PCMTD1: variants seen among roughly 807,000 people sequenced by gnomAD.
The protein encoded by PCMTD1 is protein-L-isoaspartate O-methyltransferase domain-containing protein 1.
PCMTD1 carries 12 observed loss-of-function variants against 37.6 expected under a neutral mutation model. The observed-to-expected ratio is 0.32, with a 90% CI of 0.20 to 0.52. The LOEUF (loss-of-function observed/expected upper bound fraction) is 0.52, where lower values mean the gene tolerates loss of function less well. Among genes scored for constraint, PCMTD1 ranks in the 20% least tolerant of loss-of-function variants. PCMTD1 has a pLI of 0.97. For missense variants in PCMTD1, 235 were observed against 421.3 expected (o/e 0.56, Z 3.87); for synonymous variants, 117 against 135.8 (o/e 0.86, Z 0.96).
At chr8:51,899,186 TG>T, upstream of PCMTD1, 1 of 1,259,804 alleles carries the variant, frequency 7.9e-7, no homozygotes, top group Non-Finnish European at 1.0e-6. Context: ...CGCCCCCATC[TG>T]GCCCCGCCCC....
chr8:51,892,433 A>C (rs2038949284), intron 1 of PCMTD1, among the ~76,000 whole-genome samples: 1 of 152,212 alleles, frequency 6.6e-6, no homozygotes, highest in African/African-American at 2.4e-5. Flanking sequence ...CTTCTAGCAA[A>C]TGTCTTCACA....
chr8:51,829,983 C>T (rs2037976913), intron 5 of PCMTD1, among the ~76,000 whole-genome samples: 1 of 152,116 alleles, frequency 6.6e-6, no homozygotes, highest in South Asian at 2.1e-4. Flanking sequence ...GTTAAAAAAA[C>T]TATGATCTAA....
At chr8:51,833,432 T>C in intron 4 of PCMTD1, 86 bp downstream of exon 4, 1 of 1,096,898 alleles carries the variant, frequency 9.1e-7, no homozygotes, top group Non-Finnish European at 1.3e-6. Flanking sequence ...AAAGTTACAA[T>C]ATACCTTTCA....
At chr8:51,841,191 T>C (rs189871401) in intron 3 of PCMTD1, among the ~76,000 whole-genome samples, 22 of 152,292 alleles carry the variant, frequency 1.4e-4, no homozygotes, top group African/African-American at 4.8e-4. Flanking sequence ...CCAATTAATA[T>C]TGTCTCTAGA....
At chr8:51,850,015 C>A in intron 2 of PCMTD1, 2 of 699,790 alleles carry the variant, frequency 2.9e-6, no homozygotes, top group Non-Finnish European at 5.2e-6. Context: ...AAGTACTTCA[C>A]AATACATAAA....
chr8:51,839,485 T>C, intron 3 of PCMTD1: 11 of 985,454 alleles, frequency 1.1e-5, no homozygotes, highest in Non-Finnish European at 1.3e-5. Flanking sequence ...TGTTGGAATA[T>C]CTTCATCTTG....
intron 1 of PCMTD1, among the ~76,000 whole-genome samples, chr8:51,872,841 G>A (rs964349118): frequency 3.3e-5 from 5 of 152,094 alleles, no homozygotes; most frequent in African/African-American, 9.7e-5. Context: ...ATGTACTGTG[G>A]AATGCAAAAC....
intron 2 of PCMTD1, among the ~76,000 whole-genome samples, chr8:51,846,896 C>T (rs11784921): frequency 0.69 from 104,554 of 152,232 alleles, 42,397 homozygotes; most frequent in Non-Finnish European, 0.9. Flanking sequence ...CCTTCCCCTA[C>T]TATACTTTTA....
intron 1 of PCMTD1, among the ~76,000 whole-genome samples, chr8:51,884,249 T>A (rs1025422173): frequency 6.6e-6 from 1 of 152,186 alleles, no homozygotes; most frequent in Admixed American, 6.5e-5. Flanking sequence ...GTCAGTGTGG[T>A]AAAAACAAGC....
intron 1 of PCMTD1, among the ~76,000 whole-genome samples, chr8:51,874,537 TA>T (rs2038685266): frequency 6.6e-6 from 1 of 152,220 alleles, no homozygotes; most frequent in Non-Finnish European, 1.5e-5. Context: ...TTGGTTATAA[TA>T]AATTCATAAA....
chr8:51,881,090 T>C (rs1382118584), intron 1 of PCMTD1, among the ~76,000 whole-genome samples: 1 of 152,226 alleles, frequency 6.6e-6, no homozygotes, highest in Non-Finnish European at 1.5e-5. Context: ...CCACGAACAC[T>C]GCTTCACTTA....
rs747534130 is a variant in PCMTD1 at position 51,818,048 on chromosome 8, C to T, written c.*2303G>A. 2.3e-4 allele frequency: 97 copies of T among 419,492 alleles called. No homozygotes were observed. In the Middle Eastern group the frequency reaches 7.7e-3, roughly 33 times the overall value. The allele number at this position is 419,492 out of a possible 1,614,324, so 26.0% of individuals were successfully genotyped here. A position where few individuals can be genotyped will look rare whatever the true frequency, so the allele number is the denominator to read the frequency against. On this transcript the variant is annotated 3_prime_UTR_variant, in exon 6 of 6. Coordinates refer to ENST00000522514, the MANE Select transcript of PCMTD1 (RefSeq NM_052937.4). ...TAATCTTTATTTGCTACTTTTCCAC[C>T]TATAAAGCGTAATTTTCCATATCAA... is the stretch of plus-strand genomic sequence containing the variant.
At chr8:51,896,740 C>A (rs2129297119) in intron 1 of PCMTD1, among the ~76,000 whole-genome samples, 1 of 152,220 alleles carries the variant, frequency 6.6e-6, no homozygotes, top group South Asian at 2.1e-4. Flanking sequence ...TGATTACATT[C>A]ATGTAGTTAT....
At chr8:51,891,382 C>A (rs549852362) in intron 1 of PCMTD1, among the ~76,000 whole-genome samples, 109 of 151,956 alleles carry the variant, frequency 7.2e-4, no homozygotes, top group Non-Finnish European at 1.3e-3. Context: ...AGACACCTAT[C>A]TCTACAAAAA....
intron 1 of PCMTD1, among the ~76,000 whole-genome samples, chr8:51,865,443 C>T (rs1019905314): frequency 1.4e-4 from 22 of 152,042 alleles, no homozygotes; most frequent in Non-Finnish European, 3.1e-4. Context: ...TACTAGCAAA[C>T]CAAATTCAAC....
intron 1 of PCMTD1, among the ~76,000 whole-genome samples, chr8:51,891,815 C>A (rs1386708841): frequency 2.0e-5 from 3 of 151,500 alleles, no homozygotes; most frequent in African/African-American, 7.3e-5. Context: ...TATTTACAGC[C>A]CCCTTGGATC....
chr8:51,853,819 T>C (rs1302305878), intron 2 of PCMTD1, among the ~76,000 whole-genome samples: 1 of 152,104 alleles, frequency 6.6e-6, no homozygotes, highest in Non-Finnish European at 1.5e-5. Context: ...TGGTCATCTT[T>C]GTATGACCAC....
In PCMTD1 at chr8:51,819,564, T is replaced by C. The variant is rs2037813941; in HGVS notation, c.*787A>G. 6.6e-6 allele frequency: 1 copy of C among 152,598 alleles called. No homozygotes were observed. The highest frequency in any genetic ancestry group is 2.4e-5 in the African/African-American group (1 of 41,446). The allele number at this position is 152,598 out of a possible 1,614,324, so 9.5% of individuals were successfully genotyped here. A position where few individuals can be genotyped will look rare whatever the true frequency, so the allele number is the denominator to read the frequency against. ...TACAGTGAACTACAGAAAAAACAAT[T>C]CTAAATATACTTTTAAAATTCTATA... On this transcript the variant is annotated 3_prime_UTR_variant, in exon 6 of 6. Transcript: ENST00000522514.
intron 1 of PCMTD1, among the ~76,000 whole-genome samples, chr8:51,891,756 TA>T (rs1238018878): frequency 6.6e-6 from 1 of 150,382 alleles, no homozygotes; most frequent in African/African-American, 2.4e-5. Flanking sequence ...CCTGATAAAC[TA>T]GCTACAGAGG....
Sources: allele counts gnomAD v4.1 joint callset (sites outside exome capture counted in the v4.1 genomes callset), GRCh38; gene constraint gnomAD v4.1.1; transcripts MANE v1.5; gene names NCBI Gene and HGNC (gene_info 2026-07-23, HGNC 2026-07-21).